The following APAF1 variants were observed in gnomAD, a reference collection of about 807,000 sequenced individuals.
APAF1 encodes apoptotic peptidase activating factor 1, also known as apoptotic protease-activating factor 1.
Under a neutral mutation model 152.4 loss-of-function variants are expected in APAF1, and 91 were observed. The observed-to-expected ratio is 0.60, with a 90% CI of 0.50 to 0.71. The LOEUF (loss-of-function observed/expected upper bound fraction) is 0.71. Among genes scored for constraint, APAF1 ranks in the 30% least tolerant of loss-of-function variants. The pLI is 0.00. For missense variants in APAF1, 1,283 were observed against 1,472.0 expected, an observed-to-expected ratio of 0.87 and a Z score of 2.10; for synonymous variants, 484 against 494.1, an observed-to-expected ratio of 0.98 and a Z score of 0.27.
intron 26 of APAF1, among the ~76,000 whole-genome samples, chr12:98,729,386 G>A (rs538743739): frequency 6.6e-6 from 1 of 152,302 alleles, no homozygotes; most frequent in East Asian, 1.9e-4. Context: ...TTCTCGTAAG[G>A]AGTGCACAAG....
At chr12:98,705,476 G>T (rs2097720436) in intron 18 of APAF1, among the ~76,000 whole-genome samples, 1 of 152,164 alleles carries the variant, frequency 6.6e-6, no homozygotes, top group Admixed American at 6.5e-5. Flanking sequence ...CATATAATTA[G>T]TTCATAACCA....
chr12:98,653,692 ATATATATATATAT>A (rs1416724048), intron 4 of APAF1, among the ~76,000 whole-genome samples: 1 of 15,064 alleles, frequency 6.6e-5, no homozygotes, highest in Non-Finnish European at 1.4e-4. Context: ...AAAAAAAAAA[ATATATATATATAT>A]ATATATATAT....
chr12:98,714,469 G>A (rs1385882721), intron 21 of APAF1, among the ~76,000 whole-genome samples: 1 of 152,138 alleles, frequency 6.6e-6, no homozygotes, highest in Non-Finnish European at 1.5e-5. Context: ...GTTCGATGTT[G>A]TTATTCTTGT....
Position 98,672,457 on chromosome 12 carries a change from G to A in APAF1, c.1793+738G>A, listed in dbSNP as rs142752734. Among the ~76,000 whole-genome samples, 1,359 of 152,098 alleles carry A rather than the reference G, an allele frequency of 8.9e-3. 12 individuals are homozygous for A. Among genetic ancestry groups the A allele is most frequent in the Non-Finnish European group, 0.014 (941 of 67,994 alleles). ...TGGGACTACAGGCATGAGCCACCAC[G>A]CCTGGCCTTCTGTGAAGATGTAAAT... On this transcript the variant is annotated intron_variant, in intron 12 of 26. Coordinates refer to ENST00000551964, the MANE Select transcript of APAF1 (RefSeq NM_181861.2).
chr12:98,658,667 T>C (rs1346919016), intron 4 of APAF1, among the ~76,000 whole-genome samples: 1 of 152,160 alleles, frequency 6.6e-6, no homozygotes, highest in East Asian at 1.9e-4. Flanking sequence ...CGAGGGGTGA[T>C]TTCACACCCC....
chr12:98,710,077 T>G (rs1032168579), intron 20 of APAF1, among the ~76,000 whole-genome samples: 3 of 152,132 alleles, frequency 2.0e-5, no homozygotes, highest in African/African-American at 7.2e-5. Flanking sequence ...TTGTGCCATG[T>G]TGGCCTGGCT....
intron 4 of APAF1, among the ~76,000 whole-genome samples, chr12:98,651,960 G>A (rs545022429): frequency 6.6e-6 from 1 of 152,150 alleles, no homozygotes; most frequent in African/African-American, 2.4e-5. Flanking sequence ...GACCACAGGT[G>A]CATGCTGACA....
At chr12:98,718,545 A>G (rs12581119) in intron 22 of APAF1, among the ~76,000 whole-genome samples, 45,911 of 151,844 alleles carry the variant, frequency 0.3, 7,024 homozygotes, top group East Asian at 0.34. Context: ...TTTTTTATGT[A>G]AAATCAAGTT....
At chr12:98,651,166 C>T (rs904710220) in intron 4 of APAF1, among the ~76,000 whole-genome samples, 11 of 152,172 alleles carry the variant, frequency 7.2e-5, no homozygotes, top group African/African-American at 2.7e-4. Flanking sequence ...ATCTCAAGTT[C>T]AGAGGACTGA....
intron 21 of APAF1, among the ~76,000 whole-genome samples, chr12:98,712,977 C>G (rs2097729728): frequency 6.6e-6 from 1 of 151,892 alleles, no homozygotes; most frequent in South Asian, 2.1e-4. Context: ...ACCACCACAC[C>G]TAGCTAATTT....
intron 16 of APAF1, among the ~76,000 whole-genome samples, chr12:98,697,360 C>G (rs1442669550): frequency 1.3e-5 from 2 of 152,154 alleles, no homozygotes; most frequent in Non-Finnish European, 2.9e-5. Context: ...TGTCTTACTT[C>G]CCTTACTGGC....
rs2097721561 is a variant in APAF1, at chr12:98,706,514, G to A, written c.2625G>A (p.Val875=). Reference sequence around the variant, plus strand: ...GGAATACAGACTCACGTTCAAAGGTGGCTGATTGCAGAGGACATTTAAGTT... The same window carrying A: ...GGAATACAGACTCACGTTCAAAGGTAGCTGATTGCAGAGGACATTTAAGTT... ...ELWNTDSRSK[V]ADCRGHLSWV... Residue 875 remains valine (V), a synonymous_variant, in exon 19 of 27, where the codon GTG becomes GTA. Coordinates refer to ENST00000551964, the MANE Select transcript of APAF1 (RefSeq NM_181861.2). 6.2e-7 allele frequency: 1 copy of A among 1,614,000 alleles called. No individual in the cohort carries two copies. The highest frequency in any genetic ancestry group is 2.2e-5 in the East Asian group (1 of 44,864).
chr12:98,727,992 AAT>A (rs1325043362), intron 26 of APAF1, among the ~76,000 whole-genome samples: 5 of 142,172 alleles, frequency 3.5e-5, no homozygotes, highest in African/African-American at 5.2e-5. Context: ...TAATTAAAAA[AAT>A]AAATAAAAAG....
At chr12:98,724,315 G>T (rs185699596) in intron 24 of APAF1, among the ~76,000 whole-genome samples, 1 of 151,200 alleles carries the variant, frequency 6.6e-6, no homozygotes, top group East Asian at 1.9e-4. Flanking sequence ...TGAAGAGCAT[G>T]CTTTCCTCCT....
intron 17 of APAF1, among the ~76,000 whole-genome samples, chr12:98,700,635 G>A (rs1303571703): frequency 6.6e-6 from 1 of 152,138 alleles, no homozygotes; most frequent in Non-Finnish European, 1.5e-5. Context: ...TGTAAAAGTT[G>A]CCATTTTAAC....
At chr12:98,720,718 C>T (rs1035489181) in intron 22 of APAF1, among the ~76,000 whole-genome samples, 4 of 152,190 alleles carry the variant, frequency 2.6e-5, no homozygotes, top group Admixed American at 2.6e-4. Context: ...GTAATCCCGG[C>T]ACTTTGGGAG....
intron 21 of APAF1, chr12:98,712,825 C>CTTT: frequency 5.0e-6 from 1 of 198,994 alleles, no homozygotes; most frequent in Non-Finnish European, 1.0e-5. Context: ...TATTGTATAC[C>CTTT]TTTTTTTTTT....
At chr12:98,727,945 AAAG>A (rs2097753146) in intron 26 of APAF1, among the ~76,000 whole-genome samples, 1 of 150,082 alleles carries the variant, frequency 6.7e-6, no homozygotes, top group South Asian at 2.1e-4. Flanking sequence ...CTGTCTCAAA[AAAG>A]AAAATAAATA....
intron 5 of APAF1, among the ~76,000 whole-genome samples, chr12:98,660,166 T>G (rs1035076019): frequency 2.0e-5 from 3 of 152,260 alleles, no homozygotes; most frequent in Middle Eastern, 3.4e-3. Context: ...GGCAACATGA[T>G]GAAACCCTGT....
Sources: gnomAD v4.1 joint callset for allele counts (sites outside exome capture counted in the v4.1 genomes callset) on GRCh38, gnomAD v4.1.1 for gene constraint, MANE v1.5 for transcripts, NCBI Gene and HGNC (gene_info 2026-07-23, HGNC 2026-07-21) for gene names.